KLHL7: variants seen among roughly 807,000 people sequenced by gnomAD.
KLHL7 encodes kelch-like protein 7.
Under a neutral mutation model 67.4 loss-of-function variants are expected in KLHL7, and 44 were observed. The ratio of observed to expected loss-of-function variants is 0.65; its 90% confidence interval spans 0.51 to 0.84. The LOEUF (loss-of-function observed/expected upper bound fraction) is 0.84, where lower values mean the gene tolerates loss of function less well. Among genes scored for constraint, KLHL7 ranks in the 40% least tolerant of loss-of-function variants. The probability of loss-of-function intolerance (pLI) is 0.00; values close to 1 mark genes in which losing one functional copy is unlikely to be tolerated. For missense variants in KLHL7, 362 were observed against 718.1 expected, an observed-to-expected ratio of 0.50 and a Z score of 5.67; for synonymous variants, 252 against 243.3, an observed-to-expected ratio of 1.04 and a Z score of -0.33.
intron 7 of KLHL7, among the ~76,000 whole-genome samples, chr7:23,152,639 A>G (rs565160913): frequency 4.6e-5 from 7 of 152,340 alleles, no homozygotes; most frequent in Admixed American, 2.0e-4. Flanking sequence ...ACCACAAAGA[A>G]AAAAGATTAA....
intron 7 of KLHL7, among the ~76,000 whole-genome samples, chr7:23,163,763 CAA>C (rs1484070559): frequency 1.3e-5 from 2 of 152,156 alleles, no homozygotes; most frequent in African/African-American, 2.4e-5. Flanking sequence ...AGAGATATAT[CAA>C]AATTTAAGAA....
chr7:23,107,745 C>T (rs1227954220), intron 1 of KLHL7, among the ~76,000 whole-genome samples: 2 of 152,324 alleles, frequency 1.3e-5, no homozygotes, highest in African/African-American at 4.8e-5. Flanking sequence ...GGGGTCCCCT[C>T]CACAATGATT....
chr7:23,169,454 CT>C lies in KLHL7; in HGVS notation c.1379+1421del, dbSNP rs535987387. Reference sequence around the variant, plus strand: ...TAAAGATGTTTACCAACTTTGCTCCCTTTTATGTGAACCTCTACCTTACTTC... The same window carrying C: ...TAAAGATGTTTACCAACTTTGCTCCCTTTATGTGAACCTCTACCTTACTTC... On this transcript the variant is annotated intron_variant, in intron 9 of 10. Transcript: ENST00000339077. Among the ~76,000 whole-genome samples, 446 of 152,182 alleles carry C rather than the reference CT, an allele frequency of 2.9e-3. 4 individuals are homozygous for C. Among genetic ancestry groups the C allele is most frequent in the African/African-American group, 9.9e-3 (412 of 41,520 alleles).
At chr7:23,163,903 G>T (rs1434974416) in intron 7 of KLHL7, among the ~76,000 whole-genome samples, 1 of 152,056 alleles carries the variant, frequency 6.6e-6, no homozygotes, top group Non-Finnish European at 1.5e-5. Context: ...TATTTTTAGG[G>T]TAACAGCTCC....
intron 6 of KLHL7, among the ~76,000 whole-genome samples, chr7:23,146,668 T>TCTTCTTCTTC (rs1554290060): frequency 1.6e-3 from 199 of 128,254 alleles, no homozygotes; most frequent in African/African-American, 7.8e-3. Flanking sequence ...TTCTTCTTCT[T>TCTTCTTCTTC]TTTTTTTTAA....
chr7:23,151,204 G>T, intron 6 of KLHL7, among the ~76,000 whole-genome samples: 2 of 144,864 alleles, frequency 1.4e-5, no homozygotes, highest in Non-Finnish European at 1.5e-5. Context: ...GTGCATTTAT[G>T]GGTTTATATA....
At chr7:23,145,905 A>AT (rs1784340870) in intron 6 of KLHL7, among the ~76,000 whole-genome samples, 1 of 151,940 alleles carries the variant, frequency 6.6e-6, no homozygotes, top group South Asian at 2.1e-4. Context: ...TAATTTTTGT[A>AT]TTTTTTTGTC....
intron 5 of KLHL7, 102 bp from the exon 6 acceptor site, chr7:23,143,749 A>C (rs1784267824): frequency 8.4e-7 from 1 of 1,185,572 alleles, no homozygotes; most frequent in East Asian, 2.3e-5. Context: ...ATAAGTGGTT[A>C]TCTCCTTATG....
In KLHL7 at chr7:23,176,130, TAACA is replaced by T. The variant is rs1315431826; in HGVS notation, c.*1836_*1839del. ...GCCCCTGTATTTCCTAGGGCTACCA[TAACA>T]AACTACTGCAAACTTGGTGGCTTTA... On this transcript the variant is annotated 3_prime_UTR_variant, in exon 11 of 11. Transcript: ENST00000339077. The T allele has an allele frequency of 1.3e-5, 2 of 152,180 alleles. No individual in the cohort carries two copies. Among genetic ancestry groups the T allele is most frequent in the Non-Finnish European group, 2.9e-5 (2 of 68,068 alleles). The allele number at this position is 152,180 out of a possible 1,614,324, so 9.4% of individuals were successfully genotyped here. A position where few individuals can be genotyped will look rare whatever the true frequency, so the allele number is the denominator to read the frequency against.
In KLHL7 at chr7:23,174,753, G is replaced by A. The variant is rs754464220; in HGVS notation, c.*455G>A. 2 of 454,700 alleles carry A rather than the reference G, an allele frequency of 4.4e-6. No homozygotes were observed. Among genetic ancestry groups the A allele is most frequent in the Non-Finnish European group, 8.8e-6 (2 of 226,998 alleles). 28.2% of individuals were successfully genotyped at this position (454,700 alleles called of 1,614,324 possible). ...CAAGATGGGCAACTCAGATGGAGCA[G>A]CTTAGTCTCACAGTTTGCTTGTCTA... On this transcript the variant is annotated 3_prime_UTR_variant, in exon 11 of 11. Transcript: ENST00000339077.
intron 1 of KLHL7, among the ~76,000 whole-genome samples, chr7:23,112,770 A>G (rs1199891621): frequency 1.3e-5 from 2 of 152,222 alleles, no homozygotes; most frequent in African/African-American, 4.8e-5. Context: ...GAATCAGATT[A>G]ATGTAAGCTG....
intron 7 of KLHL7, among the ~76,000 whole-genome samples, chr7:23,155,354 G>A (rs1784668766): frequency 6.6e-6 from 1 of 152,030 alleles, no homozygotes; most frequent in Non-Finnish European, 1.5e-5. Flanking sequence ...AAGAAAAACT[G>A]AAATGATAGT....
intron 5 of KLHL7, among the ~76,000 whole-genome samples, chr7:23,142,962 A>G (rs967116530): frequency 1.3e-5 from 2 of 152,210 alleles, no homozygotes; most frequent in African/African-American, 2.4e-5. Context: ...ATACCATACT[A>G]ATGCAACACC....
At chr7:23,114,830 C>G (rs1475284954) in intron 1 of KLHL7, among the ~76,000 whole-genome samples, 2 of 152,136 alleles carry the variant, frequency 1.3e-5, no homozygotes, top group South Asian at 2.1e-4. Flanking sequence ...GGTGTCATAG[C>G]TCTCTAGATG....
At chr7:23,154,357 A>AACAC (rs1404396217) in intron 7 of KLHL7, among the ~76,000 whole-genome samples, 6 of 151,650 alleles carry the variant, frequency 4.0e-5, no homozygotes, top group Non-Finnish European at 5.9e-5. Context: ...TATGTCTCAA[A>AACAC]ACAAACAAAC....
chr7:23,164,158 C>T (rs886475232), intron 7 of KLHL7, among the ~76,000 whole-genome samples: 2 of 151,662 alleles, frequency 1.3e-5, no homozygotes, highest in East Asian at 1.9e-4. Flanking sequence ...TTCTTCCCCA[C>T]CCCACCCCCC....
chr7:23,161,603 G>A (rs1784855667), intron 7 of KLHL7, among the ~76,000 whole-genome samples: 1 of 152,146 alleles, frequency 6.6e-6, no homozygotes, highest in Non-Finnish European at 1.5e-5. Context: ...TCAACCCCAG[G>A]AACTGCCGGC....
intron 4 of KLHL7, among the ~76,000 whole-genome samples, chr7:23,136,053 T>A (rs921510438): frequency 7.2e-5 from 11 of 152,214 alleles, no homozygotes; most frequent in Non-Finnish European, 1.5e-4. Context: ...TGGGAACTCT[T>A]CTGCTGCCAT....
chr7:23,126,009 G>C (rs1783558195), intron 4 of KLHL7: 1 of 715,538 alleles, frequency 1.4e-6, no homozygotes, highest in African/African-American at 1.7e-5. Flanking sequence ...GACAGTAAAA[G>C]ATTAACAACA....
Sources: gnomAD v4.1 joint callset for allele counts (sites outside exome capture counted in the v4.1 genomes callset) on GRCh38, gnomAD v4.1.1 for gene constraint, MANE v1.5 for transcripts, NCBI Gene and HGNC (gene_info 2026-07-23, HGNC 2026-07-21) for gene names.